The following KRT82 variants were observed in gnomAD, a reference collection of about 807,000 sequenced individuals.
The protein encoded by KRT82 is keratin 82.
Under a neutral mutation model 48.0 loss-of-function variants are expected in KRT82, and 44 were observed. That is an observed-to-expected ratio of 0.92 (90% CI 0.72 to 1.18). KRT82 has a LOEUF of 1.18. Ranked by LOEUF, KRT82 falls within the 50% of genes most tolerant of loss-of-function variation. KRT82 has a pLI of 0.00. For synonymous variants in KRT82, 297 were observed against 278.3 expected, an observed-to-expected ratio of 1.07 and a Z score of -0.67; for missense variants, 701 against 671.4, an observed-to-expected ratio of 1.04 and a Z score of -0.49.
chr12:52,401,238 G>C (rs377306845), intron 3 of KRT82, 51 bp downstream of exon 3: 6 of 1,501,340 alleles, frequency 4.0e-6, no homozygotes. Context: ...AGGTGGCCTG[G>C]GGCAACGCAG....
chr12:52,404,075 G>A (rs1348562215), intron 1 of KRT82, among the ~76,000 whole-genome samples, 166 bp from the exon 2 acceptor site: 1 of 152,222 alleles, frequency 6.6e-6, no homozygotes, highest in Non-Finnish European at 1.5e-5. Flanking sequence ...GAGGGCATGT[G>A]TGTCTGTGTC....
In KRT82 at chr12:52,400,736, G is replaced by A; in HGVS notation, c.682-114C>T. 5.5e-6 allele frequency: 4 copies of A among 733,646 alleles called. No homozygotes were observed. The South Asian group carries it at 6.4e-5, about 12-fold the overall frequency. 45.4% of individuals were successfully genotyped at this position (733,646 alleles called of 1,614,324 possible). A position where few individuals can be genotyped will look rare whatever the true frequency, so the allele number is the denominator to read the frequency against. On this transcript the variant is annotated intron_variant, in intron 3 of 8. Transcript: ENST00000257974. ...CTCACGAACACCCATGGGCATCGAAGGGGTGATGGAGCCGAGGTGGGGAAA... is the reference window on the plus strand; with the variant it reads ...CTCACGAACACCCATGGGCATCGAAAGGGTGATGGAGCCGAGGTGGGGAAA...
At position 52,400,028 on chromosome 12, in the gene KRT82, G is replaced by T. The variant is rs769369608; in HGVS notation, c.899C>A (p.Ala300Asp). 5.0e-6 allele frequency: 8 copies of T among 1,614,186 alleles called. No individual in the cohort carries two copies. In the East Asian group the frequency reaches 1.8e-4, roughly 36 times the overall value. The change falls in exon 5 of 9, where the codon GCC (alanine) becomes GAC (aspartate). Residue 300 changes from alanine to aspartate, a missense_variant. By Grantham distance (126) the Ala-to-Asp change is moderately radical. Coordinates refer to ENST00000257974, the MANE Select transcript of KRT82 (RefSeq NM_033033.4). ...CTCTGCTTCGGCTTTGCTGCGGCTG[G>T]CGATGTCGTCATACTGCGCCTTGAT... ...AEIKAQYDDI[A>D]SRSKAEAEAW...
intron 5 of KRT82, among the ~76,000 whole-genome samples, chr12:52,397,485 C>T (rs1939731244): frequency 6.6e-6 from 1 of 152,202 alleles, no homozygotes; most frequent in South Asian, 2.1e-4. Context: ...AAACAAAATG[C>T]AATTTATGTC....
At chr12:52,395,928 A>G in intron 7 of KRT82, 84 bp downstream of exon 7, 3 of 1,573,672 alleles carry the variant, frequency 1.9e-6, no homozygotes, top group South Asian at 2.3e-5. Context: ...GGACGGGGTG[A>G]GAGATACTAG....
At chr12:52,398,509 T>C (rs1939743386) in intron 5 of KRT82, among the ~76,000 whole-genome samples, 1 of 151,302 alleles carries the variant, frequency 6.6e-6, no homozygotes, top group Admixed American at 6.6e-5. Context: ...GAATTTCTGA[T>C]CCTGGTAGCC....
rs146799699 is a variant in KRT82, at chr12:52,405,998, G to A, written c.280C>T (p.Pro94Ser). 8.8e-5 allele frequency: 142 copies of A among 1,614,228 alleles called. No individual in the cohort carries two copies. The African/African-American group carries it at 1.8e-3, about 20-fold the overall frequency. The change falls in exon 1 of 9, where the codon CCT (proline) becomes TCT (serine). Residue 94 changes from proline to serine, a missense_variant. By Grantham distance (74) the Pro-to-Ser change is moderately conservative. Coordinates refer to ENST00000257974, the MANE Select transcript of KRT82 (RefSeq NM_033033.4). The part of the protein sequence containing the change: ...ATCGPSACIT[P>S]VTINESLLVP... ...AGCAGGCTCTCATTGATGGTGACAG[G>A]GGTGATGCAGGCAGAAGGCCCACAG...
intron 1 of KRT82, among the ~76,000 whole-genome samples, chr12:52,404,349 G>A (rs1939825986): frequency 6.6e-6 from 1 of 152,152 alleles, no homozygotes; most frequent in Admixed American, 6.5e-5. Flanking sequence ...TGGGGGTCGA[G>A]GCTTTCCTTT....
Position 52,395,169 on chromosome 12 carries a change from G to C in KRT82, c.1348C>G (p.Leu450Val). The change falls in exon 9 of 9, where the codon CTG (leucine) becomes GTG (valine). Residue 450 changes from leucine (L) to valine (V), a missense_variant. Coordinates refer to ENST00000257974, the MANE Select transcript of KRT82 (RefSeq NM_033033.4). ...GTGCTGACCCCACATGGCTCGTACAGGAAGGCGCCTTTGGAGCTGCTCACT... is the reference window on the plus strand; with the variant it reads ...GTGCTGACCCCACATGGCTCGTACACGAAGGCGCCTTTGGAGCTGCTCACT... ...ISVSSSKGAF[L>V]YEPCGVSTPV... 1 of 1,613,974 alleles carries C rather than the reference G, an allele frequency of 6.2e-7. No individual in the cohort carries two copies.
rs748298681 is a variant in KRT82, at chr12:52,406,039, T to A, written c.239A>T (p.Tyr80Phe). The part of the protein sequence containing the change: ...RCGGTLPGFG[Y>F]RLGATCGPSA... The stretch of plus-strand genomic sequence containing the variant: ...AGGCCCACAGGTGGCTCCCAGTCGG[T>A]ACCCGAAGCCAGGCAGGGTACCTCC... The change falls in exon 1 of 9, where the codon TAC becomes TTC. Residue 80 changes from tyrosine (Y) to phenylalanine (F), a missense_variant. Coordinates refer to ENST00000257974, the MANE Select transcript of KRT82 (RefSeq NM_033033.4). The A allele has an allele frequency of 4.6e-5, 74 of 1,614,048 alleles. No homozygotes were observed. Among genetic ancestry groups the A allele is most frequent in the Non-Finnish European group, 6.2e-5 (73 of 1,180,050 alleles).
In KRT82 at chr12:52,400,219, C is replaced by T. The variant is rs1939770323; in HGVS notation, c.778-70G>A. The stretch of plus-strand genomic sequence containing the variant: ...CCGGGGACAGGAGAAGGGGAGAACC[C>T]GTTCTGACCTTCCCAGAGCAGAGTG... On this transcript the variant is annotated intron_variant, in intron 4 of 8. Coordinates refer to ENST00000257974, the MANE Select transcript of KRT82 (RefSeq NM_033033.4). 4.1e-6 allele frequency: 6 copies of T among 1,471,490 alleles called. No homozygotes were observed. In the East Asian group the frequency reaches 9.1e-5, roughly 22 times the overall value. 91.2% of individuals were successfully genotyped at this position (1,471,490 alleles called of 1,614,324 possible). A position where few individuals can be genotyped will look rare whatever the true frequency, so the allele number is the denominator to read the frequency against.
rs895947632 is a variant in KRT82 at position 52,394,611 on chromosome 12, G to A, written c.*364C>T. ...GCAGTGTGAGCCTGTGGTGGGAGAGGAGCTGACTTTGTGAGGAAACTTCCA... is the reference window on the plus strand; with the variant it reads ...GCAGTGTGAGCCTGTGGTGGGAGAGAAGCTGACTTTGTGAGGAAACTTCCA... On this transcript the variant is annotated 3_prime_UTR_variant, in exon 9 of 9. Coordinates refer to ENST00000257974, the MANE Select transcript of KRT82 (RefSeq NM_033033.4). 2 of 259,210 alleles carry A rather than the reference G, an allele frequency of 7.7e-6. No homozygotes were observed. The highest frequency in any genetic ancestry group is 1.5e-5 in the Non-Finnish European group (2 of 135,098). 16.1% of individuals were successfully genotyped at this position (259,210 alleles called of 1,614,324 possible). A position where few individuals can be genotyped will look rare whatever the true frequency, so the allele number is the denominator to read the frequency against.
intron 3 of KRT82, among the ~76,000 whole-genome samples, chr12:52,400,933 T>C (rs1939781255): frequency 6.6e-6 from 1 of 152,092 alleles, no homozygotes; most frequent in Non-Finnish European, 1.5e-5. Context: ...GCAATTGTAT[T>C]TGGGGGCTTG....
At chr12:52,396,386 G>T (rs1383361846) in intron 6 of KRT82, among the ~76,000 whole-genome samples, 154 bp from the exon 7 acceptor site, 1 of 152,186 alleles carries the variant, frequency 6.6e-6, no homozygotes, top group Non-Finnish European at 1.5e-5. Flanking sequence ...CCAGGGAACT[G>T]GGATGGGTTT....
chr12:52,400,768 TC>T, intron 3 of KRT82, 146 bp from the exon 4 acceptor site: 2 of 619,186 alleles, frequency 3.2e-6, no homozygotes, highest in Non-Finnish European at 5.7e-6. Flanking sequence ...GAAAAAGGGG[TC>T]CCTAGCCCTG....
intron 1 of KRT82, among the ~76,000 whole-genome samples, chr12:52,405,069 C>T (rs557757689): frequency 3.2e-4 from 49 of 152,316 alleles, no homozygotes; most frequent in Non-Finnish European, 5.6e-4. Flanking sequence ...CTCCCTGGGG[C>T]GTGGGATGGA....
intron 2 of KRT82, chr12:52,402,011 C>A: frequency 6.6e-6 from 1 of 152,418 alleles, no homozygotes; most frequent in Admixed American, 6.5e-5. Flanking sequence ...AGCAACGGCC[C>A]TGGACTCTGG....
chr12:52,395,080 T>A lies in KRT82; in HGVS notation c.1437A>T (p.Glu479Asp). The A allele has an allele frequency of 3.1e-6, 5 of 1,613,770 alleles. No homozygotes were observed. The highest frequency in any genetic ancestry group is 3.4e-6 in the Non-Finnish European group (4 of 1,179,916). Residue 479 changes from glutamate (E) to aspartate (D), a missense_variant, in exon 9 of 9, where the codon GAA (glutamate) becomes GAT (aspartate). Physicochemically the swap from Glu to Asp is conservative, Grantham distance 45. Transcript: ENST00000257974. ...CCTGGGGCTCGCAGGGGACATAGAG[T>A]TCACCAGTGCCCACGATGCTGCAGC... The part of the protein sequence containing the change: ...NGGCSIVGTG[E>D]LYVPCEPQGL...
At chr12:52,401,382 C>A (rs201112147) in intron 2 of KRT82, 33 bp from the exon 3 acceptor site, 5 of 1,608,450 alleles carry the variant, frequency 3.1e-6, no homozygotes, top group South Asian at 2.2e-5. Flanking sequence ...ATGCTTTAGT[C>A]GGGCTTGTGG....
Sources: gnomAD v4.1 joint callset for allele counts (sites outside exome capture counted in the v4.1 genomes callset) on GRCh38, gnomAD v4.1.1 for gene constraint, MANE v1.5 for transcripts, NCBI Gene and HGNC (gene_info 2026-07-23, HGNC 2026-07-21) for gene names.